ERCC6L2: variants seen among roughly 807,000 people sequenced by gnomAD.
ERCC6L2 encodes ERCC excision repair 6 like 2.
In ERCC6L2, 77 loss-of-function variants were observed where a neutral mutation model predicts 132.0. The observed-to-expected ratio is 0.58, with a 90% CI of 0.49 to 0.71. The LOEUF (loss-of-function observed/expected upper bound fraction) is 0.71, where lower values mean the gene tolerates loss of function less well. Ranked by LOEUF, ERCC6L2 falls within the 30% of genes least tolerant of loss-of-function variation. The pLI, the probability that ERCC6L2 is intolerant of heterozygous loss-of-function variation, is 0.00. For synonymous variants in ERCC6L2, 583 were observed against 632.4 expected (o/e 0.92, Z 1.17); for missense variants, 1,542 against 1,837.6 (o/e 0.84, Z 2.94).
intron 12 of ERCC6L2, among the ~76,000 whole-genome samples, chr9:95,942,202 T>C (rs1830836259): frequency 1.3e-5 from 2 of 152,102 alleles, no homozygotes; most frequent in Non-Finnish European, 2.9e-5. Flanking sequence ...CTGAAGTACT[T>C]CCAGATCTCC....
rs976005413 is a variant in ERCC6L2 at position 96,018,406 on chromosome 9, T to G, written c.*5203T>G. On this transcript the variant is annotated 3_prime_UTR_variant, in exon 19 of 19. Transcript: ENST00000653738. Reference sequence around the variant, plus strand: ...TGTTGACACTCCATATAAGCCATTATTTTGAAAAAAACATTTTCCTTATTA... The same window carrying G: ...TGTTGACACTCCATATAAGCCATTAGTTTGAAAAAAACATTTTCCTTATTA... 1.2e-4 allele frequency among the ~76,000 whole-genome samples: 18 copies of G among 152,276 alleles called. No individual in the cohort carries two copies. Among genetic ancestry groups the G allele is most frequent in the African/African-American group, 3.6e-4 (15 of 41,550 alleles).
chr9:95,981,301 A>G (rs919105271), intron 17 of ERCC6L2, among the ~76,000 whole-genome samples: 1 of 152,154 alleles, frequency 6.6e-6, no homozygotes, highest in Admixed American at 6.6e-5. Context: ...TTGATAACCA[A>G]AATGACAAAA....
At chr9:95,907,045 A>G in intron 3 of ERCC6L2, 33 bp from the exon 4 acceptor site, 3 of 1,550,676 alleles carry the variant, frequency 1.9e-6, no homozygotes, top group Non-Finnish European at 2.6e-6. Context: ...TCAGTTTTTA[A>G]AAAACAGCAA....
intron 17 of ERCC6L2, among the ~76,000 whole-genome samples, chr9:95,978,915 A>G (rs959577906): frequency 6.6e-6 from 1 of 152,178 alleles, no homozygotes; most frequent in African/African-American, 2.4e-5. Context: ...ACTTTTAAGA[A>G]TGAAGGTGAG....
rs1834216743 is a variant in ERCC6L2 at position 96,017,979 on chromosome 9, A to G, written c.*4776A>G. 6.6e-6 allele frequency among the ~76,000 whole-genome samples: 1 copy of G among 152,220 alleles called. No homozygotes were observed. The stretch of plus-strand genomic sequence containing the variant: ...GAGGACGGTATGCAAAGTGAAATAA[A>G]TCAGACACAGAAGGACAAATACTGT... On this transcript the variant is annotated 3_prime_UTR_variant, in exon 19 of 19. Coordinates refer to ENST00000653738, the MANE Select transcript of ERCC6L2 (RefSeq NM_020207.7).
At chr9:95,888,616 G>A (rs1304932920) in intron 2 of ERCC6L2, among the ~76,000 whole-genome samples, 1 of 152,130 alleles carries the variant, frequency 6.6e-6, no homozygotes, top group Non-Finnish European at 1.5e-5. Flanking sequence ...CCATAGTGTG[G>A]TAAGATGGCT....
At chr9:95,912,922 C>G (rs1387259492) in intron 4 of ERCC6L2, among the ~76,000 whole-genome samples, 2 of 152,142 alleles carry the variant, frequency 1.3e-5, no homozygotes, top group Non-Finnish European at 2.9e-5. Flanking sequence ...ACATTTTTGG[C>G]AAGAATGCTT....
chr9:95,916,366 A>T lies in ERCC6L2; in HGVS notation c.1090A>T (p.Met364Leu). The T allele has an allele frequency of 6.2e-7, 1 of 1,609,702 alleles. No individual in the cohort carries two copies. The highest frequency in any genetic ancestry group is 8.5e-7 in the Non-Finnish European group (1 of 1,178,948). The change falls in exon 6 of 19, where the codon ATG (methionine) becomes TTG (leucine). Residue 364 changes from methionine (M) to leucine (L), a missense_variant. Met to Leu is a conservative substitution (Grantham distance 15). Transcript: ENST00000653738. ...RKAMQRLAKKMSGWFLRRTKT... is the reference protein window; with the variant it reads ...RKAMQRLAKKLSGWFLRRTKT... ...GGCCATGCAAAGACTTGCCAAAAAG[A>T]TGTCTGGCTGGTTTCTCAGGCGCAC...
intron 17 of ERCC6L2, among the ~76,000 whole-genome samples, chr9:95,998,838 T>G (rs1833557541): frequency 6.6e-6 from 1 of 152,220 alleles, no homozygotes; most frequent in Non-Finnish European, 1.5e-5. Flanking sequence ...AGGAAACTAA[T>G]CCAGTACACT....
In ERCC6L2 at chr9:95,899,176, G is replaced by A. The variant is rs150446001; in HGVS notation, c.594+1205G>A. ...ATTATAGAACAAGAATGGGCCAGGC[G>A]CAGTGATTCATGCCTGTAATCCCAG... On this transcript the variant is annotated intron_variant, in intron 3 of 18. Coordinates refer to ENST00000653738, the MANE Select transcript of ERCC6L2 (RefSeq NM_020207.7). 3.5e-3 allele frequency among the ~76,000 whole-genome samples: 534 copies of A among 152,154 alleles called. 2 individuals are homozygous for A. Among genetic ancestry groups the A allele is most frequent in the African/African-American group, 0.012 (509 of 41,514 alleles).
At chr9:95,892,418 A>G (rs954425567) in intron 2 of ERCC6L2, among the ~76,000 whole-genome samples, 7 of 144,708 alleles carry the variant, frequency 4.8e-5, no homozygotes, top group African/African-American at 1.8e-4. Flanking sequence ...GGTGAAGTGT[A>G]TAAATCTTTT....
At chr9:95,906,668 G>GCTT (rs904488230) in intron 3 of ERCC6L2, 4 of 457,210 alleles carry the variant, frequency 8.7e-6, no homozygotes, top group African/African-American at 8.0e-5. Context: ...AGGAAAGAGA[G>GCTT]CTCCAGGAGA....
At chr9:95,893,823 T>A (rs1587855470) in intron 2 of ERCC6L2, among the ~76,000 whole-genome samples, 1 of 152,320 alleles carries the variant, frequency 6.6e-6, no homozygotes, top group Middle Eastern at 3.4e-3. Context: ...CAAAGGATGA[T>A]CATTTGGCAT....
intron 16 of ERCC6L2, among the ~76,000 whole-genome samples, chr9:95,976,079 A>G (rs963374856): frequency 2.0e-5 from 3 of 151,994 alleles, no homozygotes; most frequent in African/African-American, 7.2e-5. Flanking sequence ...TCCCTTGGTC[A>G]TTTTTATATG....
intron 1 of ERCC6L2, among the ~76,000 whole-genome samples, chr9:95,878,156 GTC>G (rs1827389434): frequency 6.6e-6 from 1 of 152,186 alleles, no homozygotes; most frequent in Non-Finnish European, 1.5e-5. Flanking sequence ...GCTAAAACTG[GTC>G]TGACACTTTT....
chr9:95,953,952 A>C (rs769956624), intron 12 of ERCC6L2, among the ~76,000 whole-genome samples: 51 of 152,362 alleles, frequency 3.3e-4, no homozygotes, highest in Non-Finnish European at 5.0e-4. Context: ...TGGAAGAATA[A>C]GGACAAAGGA....
chr9:95,968,245 A>G (rs1431090036), intron 14 of ERCC6L2: 1 of 152,142 alleles, frequency 6.6e-6, no homozygotes, highest in Non-Finnish European at 1.5e-5. Flanking sequence ...CATGTCTTAC[A>G]TTTTCTTTTT....
intron 19 of ERCC6L2, among the ~76,000 whole-genome samples, chr9:96,029,502 G>A (rs937267692): frequency 6.6e-6 from 1 of 152,090 alleles, no homozygotes; most frequent in African/African-American, 2.4e-5. Flanking sequence ...TCTAACCTTA[G>A]GATAGATGTG....
chr9:95,993,447 C>T (rs1377926081), intron 17 of ERCC6L2, among the ~76,000 whole-genome samples: 1 of 152,188 alleles, frequency 6.6e-6, no homozygotes, highest in Admixed American at 6.5e-5. Context: ...TTGGCCCTTT[C>T]CCACAGAGCC....
Sources: gnomAD v4.1 joint callset for allele counts (sites outside exome capture counted in the v4.1 genomes callset) on GRCh38, gnomAD v4.1.1 for gene constraint, MANE v1.5 for transcripts, NCBI Gene and HGNC (gene_info 2026-07-23, HGNC 2026-07-21) for gene names.